The following ACTL8 variants were observed in gnomAD, a reference collection of about 807,000 sequenced individuals.
ACTL8 encodes the protein actin-like protein 8.
ACTL8 carries 3 observed loss-of-function variants against 9.3 expected under a neutral mutation model. That is an observed-to-expected ratio of 0.32 (90% confidence interval 0.15 to 0.83). The LOEUF (loss-of-function observed/expected upper bound fraction) is 0.83, where lower values mean the gene tolerates loss of function less well. ACTL8 is among the 40% of genes least tolerant of loss of function. The pLI is 0.57. For missense variants in ACTL8, 381 were observed against 492.2 expected (o/e 0.77, Z 2.14); for synonymous variants, 224 against 205.9 (o/e 1.09, Z -0.75).
rs921127299 is a variant in ACTL8 at position 17,772,294 on chromosome 1, C to T, written c.-25+16790C>T. 2.6e-5 allele frequency among the ~76,000 whole-genome samples: 4 copies of T among 152,114 alleles called. No homozygotes were observed. In the East Asian group the frequency reaches 5.8e-4, roughly 22 times the overall value. On this transcript the variant is annotated intron_variant, in intron 1 of 2. Transcript: ENST00000375406. ...TGCACTTTGGATCGGGAGTTATGAG[C>T]GGTGGGAGGGTCTTTTCTAGATAGG...
intron 1 of ACTL8, among the ~76,000 whole-genome samples, chr1:17,760,102 T>G (rs1220450036): frequency 6.6e-6 from 1 of 152,178 alleles, no homozygotes; most frequent in Non-Finnish European, 1.5e-5. Context: ...GTGATGTGTA[T>G]TCTTGAGTGG....
At chr1:17,816,959 AC>A (rs1407796925) in intron 1 of ACTL8, among the ~76,000 whole-genome samples, 2 of 152,118 alleles carry the variant, frequency 1.3e-5, no homozygotes, top group African/African-American at 4.8e-5. Context: ...TAGGAACCTC[AC>A]CCTCTGCAGG....
intron 1 of ACTL8, among the ~76,000 whole-genome samples, chr1:17,773,872 C>G (rs903194693): frequency 2.0e-5 from 3 of 152,222 alleles, no homozygotes; most frequent in Non-Finnish European, 2.9e-5. Context: ...CCGTCTTCTA[C>G]TTTGCGAAGG....
intron 1 of ACTL8, among the ~76,000 whole-genome samples, chr1:17,783,034 G>A (rs1325435069): frequency 6.6e-6 from 1 of 152,182 alleles, no homozygotes; most frequent in Non-Finnish European, 1.5e-5. Context: ...GGCAAATGGG[G>A]CCAGACACTG....
At chr1:17,814,506 C>T (rs559483666) in intron 1 of ACTL8, among the ~76,000 whole-genome samples, 6 of 151,260 alleles carry the variant, frequency 4.0e-5, no homozygotes, top group African/African-American at 1.5e-4. Flanking sequence ...ACGCCATACC[C>T]GTTTGTAGCA....
chr1:17,787,482 T>C (rs2066205777), intron 1 of ACTL8, among the ~76,000 whole-genome samples: 1 of 152,166 alleles, frequency 6.6e-6, no homozygotes, highest in Non-Finnish European at 1.5e-5. Flanking sequence ...TTGGCCAGGC[T>C]GGTCTCCAAC....
chr1:17,760,446 G>A (rs1378800918), intron 1 of ACTL8, among the ~76,000 whole-genome samples: 1 of 152,194 alleles, frequency 6.6e-6, no homozygotes, highest in Non-Finnish European at 1.5e-5. Flanking sequence ...AGGACTGAGT[G>A]GGATGAAGCA....
At chr1:17,784,709 C>T (rs1186395480) in intron 1 of ACTL8, among the ~76,000 whole-genome samples, 1 of 152,154 alleles carries the variant, frequency 6.6e-6, no homozygotes, top group African/African-American at 2.4e-5. Flanking sequence ...AAGCACCACG[C>T]TTCTTCCCGT....
chr1:17,759,102 G>A (rs2065986038), intron 1 of ACTL8, among the ~76,000 whole-genome samples: 1 of 152,244 alleles, frequency 6.6e-6, no homozygotes, highest in Non-Finnish European at 1.5e-5. Context: ...GACTTCAGTG[G>A]TGTGCAGGAG....
chr1:17,808,159 A>G (rs1437409829), intron 1 of ACTL8, among the ~76,000 whole-genome samples: 1 of 152,168 alleles, frequency 6.6e-6, no homozygotes, highest in East Asian at 1.9e-4. Flanking sequence ...ATCACAAAGC[A>G]ATTCATAAGG....
At chr1:17,791,583 G>C (rs1186000703) in intron 1 of ACTL8, among the ~76,000 whole-genome samples, 1 of 152,218 alleles carries the variant, frequency 6.6e-6, no homozygotes, top group Non-Finnish European at 1.5e-5. Context: ...TCGGGGTGCA[G>C]AGTGAATGTG....
intron 1 of ACTL8, among the ~76,000 whole-genome samples, chr1:17,820,233 A>G (rs2053645029): frequency 6.6e-6 from 1 of 152,054 alleles, no homozygotes; most frequent in Non-Finnish European, 1.5e-5. Context: ...CTTTTCCAGA[A>G]TGTCATGGGA....
At chr1:17,766,377 G>A (rs925954761) in intron 1 of ACTL8, among the ~76,000 whole-genome samples, 4 of 152,114 alleles carry the variant, frequency 2.6e-5, no homozygotes, top group African/African-American at 7.2e-5. Context: ...ATTGTACAGC[G>A]TATGAGTGGC....
chr1:17,808,468 C>T (rs1032983256), intron 1 of ACTL8, among the ~76,000 whole-genome samples: 2 of 152,206 alleles, frequency 1.3e-5, no homozygotes, highest in African/African-American at 2.4e-5. Context: ...GGGCTGTGAA[C>T]CCACAGGTAC....
chr1:17,804,836 G>A (rs957380484), intron 1 of ACTL8, among the ~76,000 whole-genome samples: 6 of 151,732 alleles, frequency 4.0e-5, no homozygotes, highest in African/African-American at 7.3e-5. Flanking sequence ...GGCTGGTCTC[G>A]AACCCCTGAC....
intron 1 of ACTL8, among the ~76,000 whole-genome samples, chr1:17,763,181 A>G (rs893494354): frequency 6.6e-6 from 1 of 151,984 alleles, no homozygotes; most frequent in Non-Finnish European, 1.5e-5. Flanking sequence ...CTGTCTTTGG[A>G]TGGCTTCTAT....
At chr1:17,824,443 G>C (rs1299387086) in intron 2 of ACTL8, among the ~76,000 whole-genome samples, 1 of 152,204 alleles carries the variant, frequency 6.6e-6, no homozygotes, top group African/African-American at 2.4e-5. Context: ...TTTAGGGTTT[G>C]GCAGAGTGTG....
At chr1:17,765,358 A>C (rs1331115660) in intron 1 of ACTL8, among the ~76,000 whole-genome samples, 1 of 152,120 alleles carries the variant, frequency 6.6e-6, no homozygotes. Flanking sequence ...TGGAGGCCGC[A>C]CTGTCCCCCA....
chr1:17,781,240 T>C (rs987909768), intron 1 of ACTL8, among the ~76,000 whole-genome samples: 1 of 146,252 alleles, frequency 6.8e-6, no homozygotes, highest in Non-Finnish European at 1.5e-5. Flanking sequence ...TTTCTTTCTT[T>C]TTTTTTTTTT....
Sources: gnomAD v4.1 joint callset for allele counts (sites outside exome capture counted in the v4.1 genomes callset) on GRCh38, gnomAD v4.1.1 for gene constraint, MANE v1.5 for transcripts, NCBI Gene and HGNC (gene_info 2026-07-23, HGNC 2026-07-21) for gene names.